The following FGF10 variants were observed in gnomAD, a reference collection of about 807,000 sequenced individuals.
The protein encoded by FGF10 is fibroblast growth factor 10, also known as FGF-10.
In FGF10, 2 loss-of-function variants were observed where a neutral mutation model predicts 19.8. The ratio of observed to expected loss-of-function variants is 0.10; its 90% CI spans 0.04 to 0.32. The LOEUF is 0.32. Ranked by LOEUF, FGF10 falls within the 10% of genes least tolerant of loss-of-function variation. The pLI is 1.00. For synonymous variants in FGF10, 112 were observed against 94.0 expected (o/e 1.19, Z -1.10); for missense variants, 191 against 246.3 (o/e 0.78, Z 1.50).
intron 1 of FGF10, among the ~76,000 whole-genome samples, chr5:44,380,967 A>ACTTT (rs569047768): frequency 6.6e-6 from 1 of 152,192 alleles, no homozygotes; most frequent in African/African-American, 2.4e-5. Flanking sequence ...AATCATCTTC[A>ACTTT]CTTTCTTTCT....
At chr5:44,345,105 T>A (rs533684857) in intron 1 of FGF10, among the ~76,000 whole-genome samples, 3 of 151,894 alleles carry the variant, frequency 2.0e-5, no homozygotes, top group Non-Finnish European at 4.4e-5. Flanking sequence ...AATAATAAAA[T>A]TTATTTTAAA....
chr5:44,383,826 A>G (rs1742038661), intron 1 of FGF10, among the ~76,000 whole-genome samples: 2 of 152,206 alleles, frequency 1.3e-5, no homozygotes, highest in Admixed American at 6.5e-5. Flanking sequence ...CTGAAATAAG[A>G]TACCAGTGGA....
chr5:44,349,470 CAGAATATATA>C (rs1741184894), intron 1 of FGF10, among the ~76,000 whole-genome samples: 2 of 24,798 alleles, frequency 8.1e-5, no homozygotes, highest in South Asian at 1.7e-3. Flanking sequence ...ATATATATAT[CAGAATATATA>C]TATATATCAG....
rs924338167 is a variant in FGF10, at chr5:44,338,389, T to G, written c.326-27859A>C. On this transcript the variant is annotated intron_variant, in intron 1 of 2. Transcript: ENST00000264664. ...CAGAAAATATGACAATAATCAAATTTGAGGGATACCAAAAGAAATTATGAA... is the reference window on the plus strand; with the variant it reads ...CAGAAAATATGACAATAATCAAATTGGAGGGATACCAAAAGAAATTATGAA... Among the ~76,000 whole-genome samples the G allele has an allele frequency of 6.6e-5, 10 of 152,322 alleles. No individual in the cohort carries two copies. The South Asian group carries it at 1.4e-3, about 22-fold the overall frequency.
intron 1 of FGF10, among the ~76,000 whole-genome samples, chr5:44,369,957 C>T (rs1741707668): frequency 6.6e-6 from 1 of 152,042 alleles, no homozygotes; most frequent in African/African-American, 2.4e-5. Context: ...TAGTGTTACT[C>T]TTAATTTTAT....
intron 1 of FGF10, among the ~76,000 whole-genome samples, chr5:44,371,991 CT>C (rs1414475435): frequency 2.0e-5 from 3 of 152,110 alleles, no homozygotes; most frequent in African/African-American, 7.2e-5. Flanking sequence ...TTAATTTGGG[CT>C]GCACAAAGTT....
At chr5:44,308,100 T>C in intron 2 of FGF10, among the ~76,000 whole-genome samples, 1 of 152,142 alleles carries the variant, frequency 6.6e-6, no homozygotes, top group East Asian at 1.9e-4. Flanking sequence ...GAGAGAAATC[T>C]CAGATAAGTG....
In FGF10 at chr5:44,310,467, T is replaced by C. The variant is rs145888320; in HGVS notation, c.389A>G (p.Tyr130Cys). The C allele has an allele frequency of 5.0e-6, 8 of 1,612,534 alleles. No individual in the cohort carries two copies. In the African/African-American group the frequency reaches 8.0e-5, roughly 16 times the overall value. The change falls in exon 2 of 3, where the codon TAT becomes TGT. Residue 130 changes from tyrosine to cysteine, a missense_variant. Physicochemically the swap from Tyr to Cys is radical, Grantham distance 194. This residue lies in a region of FGF10 where 99 missense variants were observed against 161.7 expected (regional missense o/e 0.61). Transcript: ENST00000264664. ...CCCCTTCTTGTTCATGGCTAAGTAA[T>C]AGTTGCTGTTAATGGCTTTGACGGC... Reference protein sequence around the residue: ...VVAVKAINSNYYLAMNKKGKL... With the variant: ...VVAVKAINSNCYLAMNKKGKL...
intron 1 of FGF10, among the ~76,000 whole-genome samples, chr5:44,357,986 G>A (rs141046313): frequency 9.6e-4 from 146 of 151,428 alleles, no homozygotes; most frequent in African/African-American, 3.4e-3. Flanking sequence ...AGTAGAAATC[G>A]TGTACCCAAG....
In FGF10 at chr5:44,354,366, T is replaced by C. The variant is rs534966104; in HGVS notation, c.325+33992A>G. On this transcript the variant is annotated intron_variant, in intron 1 of 2. Coordinates refer to ENST00000264664, the MANE Select transcript of FGF10 (RefSeq NM_004465.2). The stretch of plus-strand genomic sequence containing the variant: ...TTTTTAATTAAAAGTGCTTATTAAA[T>C]CATTAAAATAATATAATCAGTAGTA... Among the ~76,000 whole-genome samples the C allele has an allele frequency of 2.0e-5, 3 of 151,668 alleles. No individual in the cohort carries two copies. In the South Asian group the frequency reaches 6.2e-4, roughly 31 times the overall value.
intron 1 of FGF10, among the ~76,000 whole-genome samples, chr5:44,346,587 C>T (rs1741095149): frequency 6.6e-6 from 1 of 151,800 alleles, no homozygotes; most frequent in South Asian, 2.1e-4. Context: ...TGATTTCATT[C>T]TTCAGAACTC....
intron 1 of FGF10, among the ~76,000 whole-genome samples, chr5:44,314,830 A>C (rs1318038634): frequency 1.3e-5 from 2 of 152,246 alleles, no homozygotes; most frequent in East Asian, 1.9e-4. Flanking sequence ...AGAATGAAAA[A>C]GCTATTGGTC....
intron 1 of FGF10, among the ~76,000 whole-genome samples, chr5:44,328,130 G>A (rs1740653684): frequency 6.6e-6 from 1 of 151,996 alleles, no homozygotes; most frequent in African/African-American, 2.4e-5. Flanking sequence ...AAAAATCCTG[G>A]CATAGATGTT....
At position 44,377,863 on chromosome 5, in the gene FGF10, G is replaced by T. The variant is rs113757633; in HGVS notation, c.325+10495C>A. The stretch of plus-strand genomic sequence containing the variant: ...TTTTTAAAATATTTTAAATCATTTT[G>T]TTCATGAAACAAAGTCCATATACAT... On this transcript the variant is annotated intron_variant, in intron 1 of 2. Transcript: ENST00000264664. Among the ~76,000 whole-genome samples the T allele has an allele frequency of 8.3e-3, 1,257 of 152,222 alleles. 16 individuals carry two copies. Among genetic ancestry groups the T allele is most frequent in the South Asian group, 0.06 (289 of 4,820 alleles).
chr5:44,386,607 C>G lies in FGF10; in HGVS notation c.325+1751G>C, dbSNP rs17233938. ...TTATATACATAGGATCTAATGAATT[C>G]GGGTAACAAATGATTTTTAAGCAAA... On this transcript the variant is annotated intron_variant, in intron 1 of 2. Transcript: ENST00000264664. Among the ~76,000 whole-genome samples the G allele has an allele frequency of 7.9e-5, 12 of 152,124 alleles. No homozygotes were observed. In the East Asian group the frequency reaches 2.1e-3, roughly 27 times the overall value.
At position 44,302,075 on chromosome 5, in the gene FGF10, AT is replaced by A. The variant is rs1042558892; in HGVS notation, c.*2919del. Reference sequence around the variant, plus strand: ...AGAGGCAGATCTCTCAATAGCTCCAATTTTTTTTTTTTTCAAATCTACAACA... The same window carrying A: ...AGAGGCAGATCTCTCAATAGCTCCAATTTTTTTTTTTTCAAATCTACAACA... On this transcript the variant is annotated 3_prime_UTR_variant, in exon 3 of 3. Transcript: ENST00000264664. Among the ~76,000 whole-genome samples, 424 of 146,860 alleles carry A rather than the reference AT, an allele frequency of 2.9e-3. 2 individuals carry two copies. The highest frequency in any genetic ancestry group is 9.8e-3 in the African/African-American group (387 of 39,466).
chr5:44,321,083 A>C (rs960431484), intron 1 of FGF10, among the ~76,000 whole-genome samples: 1 of 152,208 alleles, frequency 6.6e-6, no homozygotes, highest in East Asian at 1.9e-4. Context: ...AACTGAGAGC[A>C]TCATTCTTAG....
At chr5:44,320,068 A>G (rs1236361568) in intron 1 of FGF10, among the ~76,000 whole-genome samples, 1 of 152,172 alleles carries the variant, frequency 6.6e-6, no homozygotes, top group Non-Finnish European at 1.5e-5. Flanking sequence ...TGCATATGTG[A>G]GGGACTGGGT....
At chr5:44,384,971 A>G (rs923431013) in intron 1 of FGF10, among the ~76,000 whole-genome samples, 1 of 152,098 alleles carries the variant, frequency 6.6e-6, no homozygotes, top group Non-Finnish European at 1.5e-5. Flanking sequence ...ACTCACATCC[A>G]GAAATAAGTC....
Sources: allele counts gnomAD v4.1 joint callset (sites outside exome capture counted in the v4.1 genomes callset), GRCh38; gene constraint gnomAD v4.1.1; regional missense constraint gnomAD v4.1.1; transcripts MANE v1.5; gene names NCBI Gene and HGNC (gene_info 2026-07-23, HGNC 2026-07-21).